Variants in LHFPL6 observed in about 807,000 individuals in gnomAD.
LHFPL6 encodes LHFPL tetraspan subfamily member 6 protein.
Under a neutral mutation model 20.6 loss-of-function variants are expected in LHFPL6, and 9 were observed. That is an observed-to-expected ratio of 0.44 (90% CI 0.26 to 0.76). The LOEUF (loss-of-function observed/expected upper bound fraction) is 0.76. Ranked by LOEUF, LHFPL6 falls within the 30% of genes least tolerant of loss-of-function variation. The probability of loss-of-function intolerance (pLI) is 0.20; values close to 1 mark genes in which losing one functional copy is unlikely to be tolerated. For missense variants in LHFPL6, 218 were observed against 253.5 expected, an observed-to-expected ratio of 0.86 and a Z score of 0.95; for synonymous variants, 105 against 98.7, an observed-to-expected ratio of 1.06 and a Z score of -0.38.
chr13:39,536,633 T>C (rs1490148915), intron 2 of LHFPL6, among the ~76,000 whole-genome samples: 1 of 152,180 alleles, frequency 6.6e-6, no homozygotes, highest in African/African-American at 2.4e-5. Context: ...GGTCTCAGAC[T>C]ATTGTCCAGT....
chr13:39,525,437 T>C (rs1870256731), intron 2 of LHFPL6, among the ~76,000 whole-genome samples: 1 of 152,344 alleles, frequency 6.6e-6, no homozygotes, highest in Non-Finnish European at 1.5e-5. Context: ...ACTGGAAAGA[T>C]ATTATCTAAC....
intron 2 of LHFPL6, among the ~76,000 whole-genome samples, chr13:39,572,764 T>C (rs1398114405): frequency 6.6e-6 from 1 of 152,162 alleles, no homozygotes; most frequent in East Asian, 1.9e-4. Flanking sequence ...CCTTCTGAGT[T>C]TGCATACCCA....
At chr13:39,382,600 G>A (rs935849671) in intron 2 of LHFPL6, among the ~76,000 whole-genome samples, 3 of 152,020 alleles carry the variant, frequency 2.0e-5, no homozygotes, top group Non-Finnish European at 4.4e-5. Context: ...ATGTTGGTCA[G>A]GTTGGTCTTG....
intron 2 of LHFPL6, among the ~76,000 whole-genome samples, chr13:39,544,610 G>T (rs1467913275): frequency 6.6e-6 from 1 of 152,028 alleles, no homozygotes; most frequent in Non-Finnish European, 1.5e-5. Context: ...CAACTTAAAT[G>T]AACAGAAACC....
At chr13:39,388,536 G>C (rs1423228046) in intron 2 of LHFPL6, among the ~76,000 whole-genome samples, 1 of 152,184 alleles carries the variant, frequency 6.6e-6, no homozygotes, top group Admixed American at 6.5e-5. Context: ...CAGTAGTTAA[G>C]GGCATCTTAA....
At chr13:39,497,491 G>A (rs1869141033) in intron 2 of LHFPL6, among the ~76,000 whole-genome samples, 1 of 152,196 alleles carries the variant, frequency 6.6e-6, no homozygotes, top group Non-Finnish European at 1.5e-5. Context: ...GCACTTGGAA[G>A]AAGATGCCAC....
At chr13:39,378,130 G>A (rs1212211596) in intron 3 of LHFPL6, among the ~76,000 whole-genome samples, 1 of 152,118 alleles carries the variant, frequency 6.6e-6, no homozygotes, top group Non-Finnish European at 1.5e-5. Flanking sequence ...TTTAGCCCAT[G>A]CAATGGGTAA....
intron 2 of LHFPL6, among the ~76,000 whole-genome samples, chr13:39,578,429 T>C (rs1210350781): frequency 6.6e-6 from 1 of 152,178 alleles, no homozygotes; most frequent in Non-Finnish European, 1.5e-5. Flanking sequence ...TATATACATT[T>C]AAACAGAATT....
rs555775471 is a variant in LHFPL6 at position 39,552,960 on chromosome 13, C to T, written c.385+47872G>A. 4.0e-5 allele frequency among the ~76,000 whole-genome samples: 6 copies of T among 151,878 alleles called. No individual in the cohort carries two copies. In the East Asian group the frequency reaches 9.7e-4, roughly 25 times the overall value. On this transcript the variant is annotated intron_variant, in intron 2 of 3. Transcript: ENST00000379589. Reference sequence around the variant, plus strand: ...ATGATGCTTTGGGATACCTTACTTGCAGGATTTGTTGTACACTTATTCTGG... The same window carrying T: ...ATGATGCTTTGGGATACCTTACTTGTAGGATTTGTTGTACACTTATTCTGG...
At chr13:39,396,849 T>TACAC (rs1870854492) in intron 2 of LHFPL6, among the ~76,000 whole-genome samples, 1 of 151,728 alleles carries the variant, frequency 6.6e-6, no homozygotes, top group South Asian at 2.1e-4. Flanking sequence ...CACACATACA[T>TACAC]ACACACACAC....
rs1356890680 is a variant in LHFPL6 at position 39,360,675 on chromosome 13, C to T, written c.485-16621G>A. Among the ~76,000 whole-genome samples, 8 of 90,486 alleles carry T rather than the reference C, an allele frequency of 8.8e-5. 3 individuals are homozygous for T. Among genetic ancestry groups the T allele is most frequent in the African/African-American group, 2.3e-4 (7 of 30,796 alleles). The allele number at this position is 90,486 out of a possible 152,430, so 59.4% of individuals were successfully genotyped here. ...AAGGAAAGAGCTCTACAGAGACATG[C>T]ATTAGAGGGCAATGACCAGCTGTTC... On this transcript the variant is annotated intron_variant, in intron 3 of 3. Transcript: ENST00000379589.
At chr13:39,550,791 T>C (rs1471347450) in intron 2 of LHFPL6, among the ~76,000 whole-genome samples, 1 of 152,170 alleles carries the variant, frequency 6.6e-6, no homozygotes, top group Non-Finnish European at 1.5e-5. Flanking sequence ...TGAAAAAGCA[T>C]GTGCCTAATT....
chr13:39,594,456 G>C (rs1872710037), intron 2 of LHFPL6, among the ~76,000 whole-genome samples: 1 of 152,162 alleles, frequency 6.6e-6, no homozygotes, highest in Admixed American at 6.5e-5. Context: ...TCATTAAAAA[G>C]TCAGGAAACA....
chr13:39,536,967 A>C (rs536768736), intron 2 of LHFPL6, among the ~76,000 whole-genome samples: 2 of 152,162 alleles, frequency 1.3e-5, no homozygotes, highest in African/African-American at 2.4e-5. Flanking sequence ...TATCCAAAAG[A>C]AGCTCAGACA....
intron 2 of LHFPL6, among the ~76,000 whole-genome samples, chr13:39,435,062 CAA>C (rs55701240): frequency 9.0e-4 from 48 of 53,350 alleles, no homozygotes; most frequent in African/African-American, 4.0e-3. Flanking sequence ...GACTCCGTCT[CAA>C]AAAAAAAAAA....
intron 2 of LHFPL6, among the ~76,000 whole-genome samples, chr13:39,440,715 T>A (rs572861158): frequency 1.8e-4 from 27 of 152,128 alleles, no homozygotes; most frequent in South Asian, 6.2e-4. Flanking sequence ...ATTCTCCTGC[T>A]TCAGCCGGAT....
intron 3 of LHFPL6, among the ~76,000 whole-genome samples, chr13:39,362,668 G>GT (rs1177976555): frequency 1.3e-5 from 2 of 152,160 alleles, no homozygotes; most frequent in Non-Finnish European, 2.9e-5. Flanking sequence ...TACACTCTGT[G>GT]TGGCTCTGTT....
intron 2 of LHFPL6, among the ~76,000 whole-genome samples, chr13:39,532,284 C>T (rs1870490598): frequency 6.6e-6 from 1 of 152,116 alleles, no homozygotes; most frequent in Non-Finnish European, 1.5e-5. Context: ...ATGGAGTGGA[C>T]ATTCACAGCC....
rs1231375926 is a variant in LHFPL6 at position 39,483,463 on chromosome 13, C to G, written c.386-104937G>C. Among the ~76,000 whole-genome samples, 4 of 151,224 alleles carry G rather than the reference C, an allele frequency of 2.6e-5. No homozygotes were observed. The East Asian group carries it at 7.8e-4, about 30-fold the overall frequency. ...AACAATTGGCCTAGAATATTCCAAA[C>G]TCCTGTCTTCCTCATTACAATTTTT... On this transcript the variant is annotated intron_variant, in intron 2 of 3. Transcript: ENST00000379589.
Sources: allele counts gnomAD v4.1 joint callset (sites outside exome capture counted in the v4.1 genomes callset), GRCh38; gene constraint gnomAD v4.1.1; transcripts MANE v1.5; gene names NCBI Gene and HGNC (gene_info 2026-07-23, HGNC 2026-07-21).